CA8: variants seen among roughly 807,000 people sequenced by gnomAD.
The protein encoded by CA8 is carbonic anhydrase 8 (inactive), also known as carbonic anhydrase-related protein.
A neutral mutation model predicts 41.4 loss-of-function variants in CA8; 22 were observed. The observed-to-expected ratio is 0.53, with a 90% CI of 0.38 to 0.76. CA8 has a LOEUF of 0.76. Among genes scored for constraint, CA8 ranks in the 30% least tolerant of loss-of-function variants. The pLI, the probability that CA8 is intolerant of heterozygous loss-of-function variation, is 0.00. For synonymous variants in CA8, 121 were observed against 130.6 expected (o/e 0.93, Z 0.50); for missense variants, 270 against 352.8 (o/e 0.77, Z 1.88).
chr8:60,193,575 A>G (rs147832614), intron 8 of CA8, among the ~76,000 whole-genome samples: 167 of 152,302 alleles, frequency 1.1e-3, no homozygotes, highest in African/African-American at 3.7e-3. Flanking sequence ...TAGGTAAGGA[A>G]TTTGGTGGGT....
chr8:60,238,715 C>T (rs1173984528), intron 3 of CA8, among the ~76,000 whole-genome samples: 2 of 152,088 alleles, frequency 1.3e-5, no homozygotes, highest in Non-Finnish European at 2.9e-5. Flanking sequence ...CCTTTATTTC[C>T]TATCCATATC....
intron 7 of CA8, among the ~76,000 whole-genome samples, chr8:60,213,794 G>C (rs1806922765): frequency 6.6e-6 from 1 of 150,560 alleles, no homozygotes. Flanking sequence ...ATGGCTACTA[G>C]AAAGTTTAAT....
At chr8:60,193,844 G>A (rs369609733) in intron 8 of CA8, among the ~76,000 whole-genome samples, 9 of 152,074 alleles carry the variant, frequency 5.9e-5, no homozygotes, top group African/African-American at 2.2e-4. Context: ...CGAGTTCTGG[G>A]GAAATGCTTT....
rs60441033 is a variant in CA8 at position 60,277,123 on chromosome 8, G to GAA, written c.292+2564_292+2565dup. On this transcript the variant is annotated intron_variant, in intron 2 of 8. Coordinates refer to ENST00000317995, the MANE Select transcript of CA8 (RefSeq NM_004056.6). ...GACAGAGCGAGACTCTGTCTCAAAA[G>GAA]AAAAAAAAAAAAAGGAAAGAAAATT... Among the ~76,000 whole-genome samples the GAA allele has an allele frequency of 5.9e-3, 822 of 139,064 alleles. 7 individuals are homozygous for GAA. Among genetic ancestry groups the GAA allele is most frequent in the Non-Finnish European group, 7.8e-3 (506 of 64,892 alleles). The allele number at this position is 139,064 out of a possible 152,430, so 91.2% of individuals were successfully genotyped here.
intron 2 of CA8, among the ~76,000 whole-genome samples, chr8:60,275,562 A>G (rs991687328): frequency 6.6e-6 from 1 of 152,172 alleles, no homozygotes; most frequent in Non-Finnish European, 1.5e-5. Context: ...AGACTAAACG[A>G]TTAAAAATTG....
intron 8 of CA8, among the ~76,000 whole-genome samples, chr8:60,190,305 C>CTT: frequency 1.3e-5 from 2 of 150,960 alleles, no homozygotes; most frequent in East Asian, 3.9e-4. Context: ...AAAAATAAAG[C>CTT]TTTAAGTTCT....
At chr8:60,205,952 C>G (rs1806562463) in intron 8 of CA8, among the ~76,000 whole-genome samples, 1 of 152,166 alleles carries the variant, frequency 6.6e-6, no homozygotes, top group Non-Finnish European at 1.5e-5. Context: ...AATCATTTCA[C>G]TTTAATAAAA....
chr8:60,267,553 C>G (rs1585926932), intron 2 of CA8, among the ~76,000 whole-genome samples: 1 of 152,122 alleles, frequency 6.6e-6, no homozygotes, highest in African/African-American at 2.4e-5. Context: ...AGGGGATAGT[C>G]TCATCATCAA....
At chr8:60,211,505 T>C (rs1020675632) in intron 7 of CA8, among the ~76,000 whole-genome samples, 8 of 152,208 alleles carry the variant, frequency 5.3e-5, no homozygotes, top group African/African-American at 1.9e-4. Flanking sequence ...AAAGAATCCA[T>C]TTTTTATTGA....
chr8:60,267,861 T>C (rs574843490), intron 2 of CA8, among the ~76,000 whole-genome samples: 25 of 152,342 alleles, frequency 1.6e-4, no homozygotes, highest in Non-Finnish European at 2.4e-4. Flanking sequence ...GGTTTGTAGA[T>C]ATTCAGAACC....
At position 60,222,757 on chromosome 8, in the gene CA8, A is replaced by C. The variant is rs1180648642; in HGVS notation, c.630T>G (p.Pro210=). Residue 210 remains proline (P), a synonymous_variant, in exon 7 of 9, where the codon CCT becomes CCG. Coordinates refer to ENST00000317995, the MANE Select transcript of CA8 (RefSeq NM_004056.6). ...CFNPNTLLPD[P]LLRDYWVYEG... is the part of the protein sequence containing the mutation. ...CATACACCCAGTAATCCCGCAGCAG[A>C]GGGTCTGCACAGCCACGTGGACATG... 1.2e-6 allele frequency: 2 copies of C among 1,607,242 alleles called. No homozygotes were observed. The highest frequency in any genetic ancestry group is 1.7e-6 in the Non-Finnish European group (2 of 1,173,816).
At chr8:60,257,788 G>A (rs543292331) in intron 3 of CA8, among the ~76,000 whole-genome samples, 6 of 152,274 alleles carry the variant, frequency 3.9e-5, no homozygotes, top group African/African-American at 1.4e-4. Flanking sequence ...TAAATATTTT[G>A]TGTGGTTGAC....
In CA8 at chr8:60,232,377, G is replaced by A; in HGVS notation, c.420C>T (p.Leu140=). The A allele has an allele frequency of 6.2e-7, 1 of 1,609,132 alleles. No homozygotes were observed. The change falls in exon 4 of 9, where the codon CTC becomes CTT. Residue 140 remains leucine (L), a splice_region_variant and synonymous_variant. Coordinates refer to ENST00000317995, the MANE Select transcript of CA8 (RefSeq NM_004056.6). ...GAGTGGAGTTCCAGTGGATCAGATG[G>A]AGCTGAGTGAGTGGCAACAGACAGA... ...TVNFKAFPME[L]HLIHWNSTLF... is the part of the protein sequence containing the mutation.
chr8:60,194,426 C>T (rs1473403128), intron 8 of CA8, among the ~76,000 whole-genome samples: 2 of 152,142 alleles, frequency 1.3e-5, no homozygotes, highest in South Asian at 2.1e-4. Flanking sequence ...AGACCCTCCC[C>T]AGAAGATACT....
chr8:60,231,236 C>CTG (rs139783114), intron 4 of CA8, among the ~76,000 whole-genome samples: 1 of 152,148 alleles, frequency 6.6e-6, no homozygotes, highest in African/African-American at 2.4e-5. Context: ...AGGTCCCCAC[C>CTG]TGTGACACCA....
Position 60,279,734 on chromosome 8 carries a change from T to C in CA8, c.247A>G (p.Thr83Ala). 2 of 1,614,206 alleles carry C rather than the reference T, an allele frequency of 1.2e-6. No individual in the cohort carries two copies. Among genetic ancestry groups the C allele is most frequent in the East Asian group, 2.2e-5 (1 of 44,878 alleles). Residue 83 changes from threonine (T) to alanine (A), a missense_variant, in exon 2 of 9, where the codon ACC becomes GCC. By Grantham distance (58) the Thr-to-Ala change is moderately conservative. Coordinates refer to ENST00000317995, the MANE Select transcript of CA8 (RefSeq NM_004056.6). ...ACCTGAATGGTATGTCCATCATTGG[T>C]GACTTCACAGTCTCGGCACACCACA... ...NYVVCRDCEV[T>A]NDGHTIQVIL... is the part of the protein sequence containing the mutation.
intron 8 of CA8, among the ~76,000 whole-genome samples, chr8:60,190,819 G>GA (rs1031335073): frequency 5.3e-5 from 8 of 149,934 alleles, no homozygotes; most frequent in Admixed American, 2.7e-4. Context: ...TGGAAAAAAA[G>GA]AAAAAATAAT....
intron 2 of CA8, among the ~76,000 whole-genome samples, chr8:60,270,077 T>C (rs1804021328): frequency 6.6e-6 from 1 of 152,210 alleles, no homozygotes; most frequent in South Asian, 2.1e-4. Context: ...ACAGTCAAGG[T>C]GGGCATGAGG....
At chr8:60,242,273 T>C (rs1426701285) in intron 3 of CA8, among the ~76,000 whole-genome samples, 1 of 152,216 alleles carries the variant, frequency 6.6e-6, no homozygotes, top group East Asian at 1.9e-4. Context: ...AAATATTACT[T>C]CATTCCATCC....
Sources: gnomAD v4.1 joint callset for allele counts (sites outside exome capture counted in the v4.1 genomes callset) on GRCh38, gnomAD v4.1.1 for gene constraint, MANE v1.5 for transcripts, NCBI Gene and HGNC (gene_info 2026-07-23, HGNC 2026-07-21) for gene names.